The following WNK1 variants were observed in gnomAD, a reference collection of about 807,000 sequenced individuals.
The protein encoded by WNK1 is serine/threonine-protein kinase WNK1.
WNK1 carries 38 observed loss-of-function variants against 222.8 expected under a neutral mutation model. That is an observed-to-expected ratio of 0.17 (90% CI 0.13 to 0.22). The LOEUF is 0.22. Ranked by LOEUF, WNK1 falls within the 10% of genes least tolerant of loss-of-function variation. WNK1 has a pLI of 1.00. For synonymous variants in WNK1, 1,090 were observed against 1,092.9 expected (o/e 1.00, Z 0.05); for missense variants, 2,348 against 2,918.4 (o/e 0.80, Z 4.50).
chr12:781,458 A>G (rs1943700679), intron 1 of WNK1, among the ~76,000 whole-genome samples: 1 of 152,236 alleles, frequency 6.6e-6, no homozygotes, highest in Admixed American at 6.5e-5. Flanking sequence ...TTCATTAATC[A>G]TAACATAAGC....
At chr12:906,351 TA>T in intron 26 of WNK1, 1 of 985,334 alleles carries the variant, frequency 1.0e-6, no homozygotes, top group Non-Finnish European at 1.2e-6. Context: ...CAGGCAGGCA[TA>T]GACTCCCTCC....
At chr12:812,091 C>G (rs2154007955) in intron 1 of WNK1, among the ~76,000 whole-genome samples, 1 of 152,218 alleles carries the variant, frequency 6.6e-6, no homozygotes, top group Middle Eastern at 3.4e-3. Context: ...CTATGCTTTG[C>G]TATAAATAAG....
At chr12:858,945 G>A (rs977567729) in intron 5 of WNK1, among the ~76,000 whole-genome samples, 1 of 152,084 alleles carries the variant, frequency 6.6e-6, no homozygotes, top group Non-Finnish European at 1.5e-5. Flanking sequence ...TAAAAATTAT[G>A]TTACAATTGT....
intron 1 of WNK1, among the ~76,000 whole-genome samples, chr12:779,028 T>C (rs1045454793): frequency 3.9e-5 from 6 of 152,228 alleles, no homozygotes; most frequent in Non-Finnish European, 8.8e-5. Flanking sequence ...ATTTTACTGC[T>C]CTAAAATGTA....
Position 896,683 on chromosome 12 carries a change from G to C in WNK1, c.6196G>C (p.Asp2066His). ...SSYMSSDNES[D>H]IEDEDLKLEL... is the part of the protein sequence containing the mutation. ...TTACATGAGTAGCGACAATGAGTCA[G>C]ATATCGAAGATGAAGACTTAAAGTT... is the stretch of plus-strand genomic sequence containing the variant. Residue 2066 changes from aspartate (D) to histidine (H), a missense_variant, in exon 24 of 28, where the codon GAT becomes CAT. Coordinates refer to ENST00000315939, the MANE Select transcript of WNK1 (RefSeq NM_018979.4). 1 of 1,610,116 alleles carries C rather than the reference G, an allele frequency of 6.2e-7. No individual in the cohort carries two copies. Among genetic ancestry groups the C allele is most frequent in the Non-Finnish European group, 8.5e-7 (1 of 1,179,270 alleles).
chr12:852,597 TA>T (rs1403768069), intron 4 of WNK1, among the ~76,000 whole-genome samples: 1 of 152,198 alleles, frequency 6.6e-6, no homozygotes, highest in African/African-American at 2.4e-5. Context: ...TGTAAGATAG[TA>T]ACCCAATTTA....
chr12:833,191 T>C (rs1433303152), intron 4 of WNK1, among the ~76,000 whole-genome samples: 1 of 152,234 alleles, frequency 6.6e-6, no homozygotes, highest in Non-Finnish European at 1.5e-5. Context: ...GATGCAAGCC[T>C]TCTTCATTCC....
chr12:790,963 A>G (rs1206992217), intron 1 of WNK1, among the ~76,000 whole-genome samples: 4 of 152,168 alleles, frequency 2.6e-5, no homozygotes, highest in Admixed American at 2.6e-4. Context: ...CAGGTCTTCT[A>G]TGGAAATGAA....
intron 7 of WNK1, 99 bp from the exon 8 acceptor site, chr12:861,984 C>T (rs1951253222): frequency 8.5e-6 from 11 of 1,295,578 alleles, no homozygotes; most frequent in Non-Finnish European, 1.2e-5. Context: ...TAACTAGTTA[C>T]CCCTAATATA....
chr12:777,424 C>T (rs1943239974), intron 1 of WNK1, among the ~76,000 whole-genome samples: 1 of 152,078 alleles, frequency 6.6e-6, no homozygotes, highest in Non-Finnish European at 1.5e-5. Flanking sequence ...TCCCAAAGTG[C>T]TGGGATTACA....
chr12:803,047 T>C (rs961857703), intron 1 of WNK1, among the ~76,000 whole-genome samples: 4 of 152,178 alleles, frequency 2.6e-5, no homozygotes, highest in African/African-American at 9.7e-5. Context: ...AAGAATAAAA[T>C]TGAAGAAATT....
In WNK1 at chr12:876,510, CATAAAT is replaced by C. The variant is rs1299379272; in HGVS notation, c.2224-1697_2224-1692del. 2.0e-4 allele frequency among the ~76,000 whole-genome samples: 30 copies of C among 152,268 alleles called. 1 individual carries two copies. The South Asian group carries it at 4.8e-3, about 24-fold the overall frequency. ...GCATTCTTTTGGTGATTTTAATTGA[CATAAAT>C]ATAAGAAGAGCAAAAATATTATTTG... On this transcript the variant is annotated intron_variant, in intron 9 of 27. Coordinates refer to ENST00000315939, the MANE Select transcript of WNK1 (RefSeq NM_018979.4).
Position 884,234 on chromosome 12 carries a change from A to G in WNK1, c.3835A>G (p.Thr1279Ala). 1 of 1,614,154 alleles carries G rather than the reference A, an allele frequency of 6.2e-7. No individual in the cohort carries two copies. The highest frequency in any genetic ancestry group is 8.5e-7 in the Non-Finnish European group (1 of 1,180,000). Residue 1279 changes from threonine (T) to alanine (A), a missense_variant, in exon 18 of 28, where the codon ACA becomes GCA. By Grantham distance (58) the Thr-to-Ala change is moderately conservative (BLOSUM62 0). Coordinates refer to ENST00000315939, the MANE Select transcript of WNK1 (RefSeq NM_018979.4). The surrounding 1 kb of genome is among the most constrained non-coding windows in gnomAD (Gnocchi z 5.6). The stretch of plus-strand genomic sequence containing the variant: ...ATCAAAAGTTTTCCCCAGTGAAATA[A>G]CAGATACAGGTAAGGGATTGATTCT... Reference protein sequence around the residue: ...RESKVFPSEITDTVAASTAQS... With the variant: ...RESKVFPSEIADTVAASTAQS...
intron 1 of WNK1, among the ~76,000 whole-genome samples, chr12:767,677 G>A (rs1197604387): frequency 6.6e-6 from 1 of 152,140 alleles, no homozygotes; most frequent in East Asian, 1.9e-4. Flanking sequence ...GGTTCAGGGT[G>A]AGGGAAACTT....
intron 26 of WNK1, 86 bp downstream of exon 26, chr12:900,756 A>T: frequency 6.6e-7 from 1 of 1,511,858 alleles, no homozygotes; most frequent in Middle Eastern, 1.7e-4. Context: ...GCGGGTTGGG[A>T]GACTAGCTGA....
chr12:859,633 T>TG (rs372754842), intron 6 of WNK1, among the ~76,000 whole-genome samples, 169 bp downstream of exon 6: 28 of 62,708 alleles, frequency 4.5e-4, no homozygotes, highest in East Asian at 2.2e-3. Context: ...TGTGTGTGTG[T>TG]TTTTTTTTTT....
At chr12:784,236 TTTTA>T (rs1192215391) in intron 1 of WNK1, among the ~76,000 whole-genome samples, 1 of 152,058 alleles carries the variant, frequency 6.6e-6, no homozygotes, top group Non-Finnish European at 1.5e-5. Flanking sequence ...AGAAATTGTA[TTTTA>T]TTTATTTTAT....
rs2154104866 is a variant in WNK1 at position 909,034 on chromosome 12, C to T, written c.*242C>T. The T allele has an allele frequency of 3.6e-6, 2 of 548,196 alleles. No individual in the cohort carries two copies. Among genetic ancestry groups the T allele is most frequent in the South Asian group, 4.1e-5 (2 of 49,090 alleles). The allele number at this position is 548,196 out of a possible 1,614,324, so 34.0% of individuals were successfully genotyped here. ...TTTTTGTCAAGGGGCAGCTTCAGACCATGCTTTCCTGTTTATCTATACTCA... is the reference window on the plus strand; with the variant it reads ...TTTTTGTCAAGGGGCAGCTTCAGACTATGCTTTCCTGTTTATCTATACTCA... On this transcript the variant is annotated 3_prime_UTR_variant, in exon 28 of 28. Coordinates refer to ENST00000315939, the MANE Select transcript of WNK1 (RefSeq NM_018979.4).
At chr12:815,455 C>T (rs1041636395) in intron 2 of WNK1, among the ~76,000 whole-genome samples, 5 of 152,184 alleles carry the variant, frequency 3.3e-5, no homozygotes, top group Non-Finnish European at 7.4e-5. Flanking sequence ...CAGATCATTT[C>T]TGTCCTGCAA....
Sources: gnomAD v4.1 joint callset for allele counts (sites outside exome capture counted in the v4.1 genomes callset) on GRCh38, gnomAD v4.1.1 for gene constraint, Gnocchi (gnomAD v3.1) non-coding constraint, MANE v1.5 for transcripts, NCBI Gene and HGNC (gene_info 2026-07-23, HGNC 2026-07-21) for gene names.